Variants in PCDH11X observed in about 807,000 individuals in gnomAD.
PCDH11X encodes the protein protocadherin-11 X-linked.
A neutral mutation model predicts 53.3 loss-of-function variants in PCDH11X; 18 were observed. That is an observed-to-expected ratio of 0.34 (90% CI 0.23 to 0.50). The LOEUF (loss-of-function observed/expected upper bound fraction) is 0.50. Ranked by LOEUF, PCDH11X falls within the 20% of genes least tolerant of loss-of-function variation. The probability of loss-of-function intolerance (pLI) is 0.98; values close to 1 mark genes in which losing one functional copy is unlikely to be tolerated. For missense variants in PCDH11X, 570 were observed against 1,032.4 expected (o/e 0.55, Z 6.14); for synonymous variants, 279 against 393.3 (o/e 0.71, Z 3.44).
At chrX:91,970,103 T>G (rs1384298270) in intron 6 of PCDH11X, among the ~76,000 whole-genome samples, 2 of 111,267 alleles carry the variant, frequency 1.8e-5, no homozygotes, top group African/African-American at 6.5e-5. Context: ...TTCCTCCTGG[T>G]GGGTTCACAA....
chrX:91,899,519 A>G (rs1010137712), intron 6 of PCDH11X, among the ~76,000 whole-genome samples: 3 of 110,317 alleles, frequency 2.7e-5, no homozygotes, highest in Non-Finnish European at 3.8e-5. Flanking sequence ...GTTGACACTC[A>G]ATGTTAACCA....
intron 6 of PCDH11X, among the ~76,000 whole-genome samples, chrX:92,135,130 A>T (rs1459003270): frequency 9.0e-6 from 1 of 110,891 alleles, no homozygotes; most frequent in African/African-American, 3.3e-5. Context: ...TTTTCATTGT[A>T]TTAAAAATGG....
intron 5 of PCDH11X, among the ~76,000 whole-genome samples, chrX:91,847,145 TTGTGTGTGTGTG>T: frequency 9.4e-6 from 1 of 106,922 alleles, no homozygotes; most frequent in Admixed American, 1.0e-4. Context: ...TTTGTGTCCT[TTGTGTGTGTGTG>T]TGTGTGTGTA....
At chrX:92,599,046 G>A (rs1264279148) in intron 10 of PCDH11X, among the ~76,000 whole-genome samples, 3 of 111,257 alleles carry the variant, frequency 2.7e-5, no homozygotes, top group Non-Finnish European at 5.7e-5. Flanking sequence ...GGGAAGCATA[G>A]TAGAGAAAGT....
chrX:92,488,742 C>T (rs1305769905), intron 10 of PCDH11X, among the ~76,000 whole-genome samples: 1 of 92,477 alleles, frequency 1.1e-5, no homozygotes, highest in African/African-American at 4.0e-5. Context: ...CAACAAAACG[C>T]TTATTGCCAA....
At chrX:92,570,419 A>G (rs1922064702) in intron 10 of PCDH11X, among the ~76,000 whole-genome samples, 1 of 112,028 alleles carries the variant, frequency 8.9e-6, no homozygotes, top group Non-Finnish European at 1.9e-5. Flanking sequence ...ATTGAGCAAC[A>G]GTTTGTAACC....
intron 7 of PCDH11X, among the ~76,000 whole-genome samples, chrX:92,221,964 G>T (rs1307682606): frequency 9.0e-6 from 1 of 110,611 alleles, no homozygotes; most frequent in African/African-American, 3.3e-5. Context: ...CTCCTGAGCA[G>T]CTGGGCTTAC....
intron 7 of PCDH11X, among the ~76,000 whole-genome samples, chrX:92,228,707 G>T (rs775975412): frequency 2.9e-4 from 32 of 111,644 alleles, no homozygotes; most frequent in Admixed American, 1.2e-3. Context: ...TTAAGCCAAT[G>T]CTGACAGCCA....
chrX:92,458,716 T>C (rs1303132209), intron 9 of PCDH11X, among the ~76,000 whole-genome samples: 1 of 110,356 alleles, frequency 9.1e-6, no homozygotes, highest in Admixed American at 9.7e-5. Flanking sequence ...AATTTCATTT[T>C]CTTTATGGCT....
At chrX:92,388,621 A>T (rs2071061827) in intron 9 of PCDH11X, among the ~76,000 whole-genome samples, 1 of 110,412 alleles carries the variant, frequency 9.1e-6, no homozygotes, top group Non-Finnish European at 1.9e-5. Flanking sequence ...CAGGAAATAC[A>T]AAATTTGATA....
intron 1 of PCDH11X, among the ~76,000 whole-genome samples, chrX:91,786,458 T>A: frequency 1.1e-5 from 1 of 91,250 alleles, no homozygotes. Context: ...TAAAGGAAAA[T>A]TCATTTCTTT....
chrX:92,153,336 A>C (rs1362266495), intron 6 of PCDH11X, among the ~76,000 whole-genome samples: 6 of 91,567 alleles, frequency 6.6e-5, no homozygotes, highest in African/African-American at 1.9e-4. Context: ...ATAAATAAAT[A>C]TACACACACA....
At chrX:91,946,828 C>T (rs1225183092) in intron 6 of PCDH11X, among the ~76,000 whole-genome samples, 1 of 99,597 alleles carries the variant, frequency 1.0e-5, no homozygotes, top group Non-Finnish European at 2.0e-5. Context: ...AGTTTAGTAA[C>T]GCATGCTTGC....
intron 4 of PCDH11X, among the ~76,000 whole-genome samples, chrX:91,824,305 G>C (rs1338392500): frequency 9.1e-6 from 1 of 110,334 alleles, no homozygotes; most frequent in African/African-American, 3.3e-5. Flanking sequence ...ATCACTTTCA[G>C]GTACACCAAT....
At chrX:91,968,778 TTG>T (rs1198887285) in intron 6 of PCDH11X, among the ~76,000 whole-genome samples, 1 of 111,529 alleles carries the variant, frequency 9.0e-6, no homozygotes, top group African/African-American at 3.3e-5. Context: ...CAATAAAACA[TTG>T]TGATTTATAA....
intron 6 of PCDH11X, among the ~76,000 whole-genome samples, chrX:91,894,739 A>G (rs1018136268): frequency 1.1e-4 from 12 of 111,132 alleles, no homozygotes. Flanking sequence ...GGAGAAAAAT[A>G]CCATGTCCCT....
intron 6 of PCDH11X, among the ~76,000 whole-genome samples, chrX:91,893,630 T>A (rs1445010901): frequency 9.0e-6 from 1 of 110,933 alleles, no homozygotes; most frequent in African/African-American, 3.3e-5. Context: ...GTCGCCGAAG[T>A]ACTGAGATGA....
intron 6 of PCDH11X, among the ~76,000 whole-genome samples, chrX:91,988,790 C>A (rs2525288): frequency 6.3e-5 from 7 of 111,412 alleles, no homozygotes; most frequent in African/African-American, 2.3e-4. Context: ...CAGACCAGTG[C>A]AGATCCGGAA....
At chrX:92,311,454 AAG>A (rs754594178) in intron 8 of PCDH11X, among the ~76,000 whole-genome samples, 3 of 111,286 alleles carry the variant, frequency 2.7e-5, no homozygotes, top group African/African-American at 6.5e-5. Flanking sequence ...CTTCAAATAA[AAG>A]AGAGAAAAAA....
Sources: gnomAD v4.1 joint callset for allele counts (sites outside exome capture counted in the v4.1 genomes callset) on GRCh38, gnomAD v4.1.1 for gene constraint, MANE v1.5 for transcripts, NCBI Gene and HGNC (gene_info 2026-07-23, HGNC 2026-07-21) for gene names.